The following WWOX variants were observed in gnomAD, a reference collection of about 807,000 sequenced individuals.
The protein encoded by WWOX is WW domain-containing oxidoreductase.
WWOX carries 69 observed loss-of-function variants against 46.2 expected under a neutral mutation model. That is an observed-to-expected ratio of 1.49 (90% confidence interval 1.23 to 1.82). The LOEUF is 1.82. WWOX is among the 40% of genes most tolerant of loss of function. The pLI is 0.00. For missense variants in WWOX, 919 were observed against 542.6 expected (o/e 1.69, Z -6.89); for synonymous variants, 359 against 202.6 (o/e 1.77, Z -6.56).
At chr16:78,440,750 C>G (rs1302691187) in intron 8 of WWOX, among the ~76,000 whole-genome samples, 3 of 151,952 alleles carry the variant, frequency 2.0e-5, no homozygotes, top group Non-Finnish European at 2.9e-5. Flanking sequence ...TCCCAAGTAG[C>G]TGGGATTACA....
intron 6 of WWOX, among the ~76,000 whole-genome samples, chr16:78,391,454 C>T (rs1480672800): frequency 1.3e-5 from 2 of 152,152 alleles, no homozygotes; most frequent in Non-Finnish European, 2.9e-5. Flanking sequence ...GAATTTGAAC[C>T]CAAATCTCTC....
At chr16:78,831,566 C>G (rs906277176) in intron 8 of WWOX, among the ~76,000 whole-genome samples, 18 of 152,136 alleles carry the variant, frequency 1.2e-4, no homozygotes, top group African/African-American at 3.9e-4. Context: ...GACCTGCACA[C>G]CAGGAGGCAG....
At position 78,176,519 on chromosome 16, in the gene WWOX, C is replaced by T. The variant is rs142166559; in HGVS notation, c.516+12230C>T. On this transcript the variant is annotated intron_variant, in intron 5 of 8. Coordinates refer to ENST00000566780, the MANE Select transcript of WWOX (RefSeq NM_016373.4). The stretch of plus-strand genomic sequence containing the variant: ...TCTAATTGTTCCGACTACAATGCGT[C>T]CTGTAAACCGGGTAGCTGGGAGAAA... Among the ~76,000 whole-genome samples, 59 of 152,300 alleles carry T rather than the reference C, an allele frequency of 3.9e-4. 1 individual carries two copies. In the East Asian group the frequency reaches 9.1e-3, roughly 23 times the overall value.
chr16:78,353,804 T>C (rs1033087323), intron 5 of WWOX, among the ~76,000 whole-genome samples: 3 of 152,238 alleles, frequency 2.0e-5, no homozygotes, highest in Admixed American at 6.5e-5. Context: ...GGTCAGCAGT[T>C]AGCGTCAAGT....
At chr16:78,847,974 C>G (rs1270872698) in intron 8 of WWOX, among the ~76,000 whole-genome samples, 2 of 152,084 alleles carry the variant, frequency 1.3e-5, no homozygotes. Context: ...AGCATGGTGG[C>G]CACATAAAGG....
intron 8 of WWOX, among the ~76,000 whole-genome samples, chr16:79,164,022 T>C (rs2050542050): frequency 6.6e-6 from 1 of 152,132 alleles, no homozygotes. Flanking sequence ...AAGCTAAACA[T>C]AGACTTTAGG....
At chr16:78,586,163 C>G (rs934089114) in intron 8 of WWOX, among the ~76,000 whole-genome samples, 3 of 152,004 alleles carry the variant, frequency 2.0e-5, no homozygotes, top group Admixed American at 1.3e-4. Context: ...TCAAGACTAG[C>G]CTGGGCAACA....
At chr16:78,407,583 C>G (rs976248258) in intron 6 of WWOX, among the ~76,000 whole-genome samples, 1 of 152,172 alleles carries the variant, frequency 6.6e-6, no homozygotes. Context: ...GCACCTTTCT[C>G]ATCTCAGGTT....
Position 79,093,061 on chromosome 16 carries a change from GCTGT to G in WWOX, c.1057-118546_1057-118543del, listed in dbSNP as rs1183914070. Among the ~76,000 whole-genome samples the G allele has an allele frequency of 3.9e-5, 6 of 152,292 alleles. No individual in the cohort carries two copies. The South Asian group carries it at 1.0e-3, about 26-fold the overall frequency. The stretch of plus-strand genomic sequence containing the variant: ...CTACTTTTTACCTAGCAGTTCAACA[GCTGT>G]AAAGAAAGATGCTGAGCTGTTGGTT... On this transcript the variant is annotated intron_variant, in intron 8 of 8. Transcript: ENST00000566780.
intron 5 of WWOX, among the ~76,000 whole-genome samples, chr16:78,343,805 T>C (rs1391717276): frequency 1.7e-5 from 2 of 120,590 alleles, no homozygotes; most frequent in African/African-American, 5.6e-5. Flanking sequence ...CTCAGTTCTT[T>C]GTCATTCAGC....
chr16:78,298,238 T>C lies in WWOX; in HGVS notation c.517-88622T>C, dbSNP rs202189421. On this transcript the variant is annotated intron_variant, in intron 5 of 8. Transcript: ENST00000566780. ...TCTTAGCAGCATGAGAAGGGACTAA[T>C]ACAGGGGTGATCACAAACAGCCTGC... is the stretch of plus-strand genomic sequence containing the variant. Among the ~76,000 whole-genome samples, 42 of 152,248 alleles carry C rather than the reference T, an allele frequency of 2.8e-4. 1 individual carries two copies. In the East Asian group the frequency reaches 8.1e-3, roughly 29 times the overall value.
intron 8 of WWOX, among the ~76,000 whole-genome samples, chr16:78,491,073 C>T (rs767931945): frequency 6.6e-6 from 1 of 152,190 alleles, no homozygotes; most frequent in Non-Finnish European, 1.5e-5. Flanking sequence ...CAGGCTGAGT[C>T]ATCTGTGCCA....
At chr16:78,535,805 A>T (rs2043745717) in intron 8 of WWOX, among the ~76,000 whole-genome samples, 1 of 152,196 alleles carries the variant, frequency 6.6e-6, no homozygotes, top group Non-Finnish European at 1.5e-5. Context: ...AGAACCAGAC[A>T]CAAGTTGGAG....
At chr16:78,542,977 T>C (rs1245528871) in intron 8 of WWOX, among the ~76,000 whole-genome samples, 1 of 152,138 alleles carries the variant, frequency 6.6e-6, no homozygotes, top group Non-Finnish European at 1.5e-5. Flanking sequence ...TAGCAAACAA[T>C]TTTTCCTTTC....
chr16:78,889,070 C>G (rs57648136), intron 8 of WWOX, among the ~76,000 whole-genome samples: 53,495 of 151,938 alleles, frequency 0.35, 10,750 homozygotes, highest in Non-Finnish European at 0.44. Context: ...GAAGATGTCT[C>G]TCTTTGAATT....
chr16:78,762,129 A>C (rs1451103864), intron 8 of WWOX, among the ~76,000 whole-genome samples: 2 of 152,160 alleles, frequency 1.3e-5, no homozygotes, highest in Non-Finnish European at 2.9e-5. Flanking sequence ...ATGGCTAATC[A>C]TTTCCATTTT....
intron 8 of WWOX, among the ~76,000 whole-genome samples, chr16:79,117,677 C>G (rs902225794): frequency 2.0e-5 from 3 of 152,224 alleles, no homozygotes; most frequent in African/African-American, 4.8e-5. Flanking sequence ...CCTTAGTGGT[C>G]TTATCTAGAT....
intron 8 of WWOX, among the ~76,000 whole-genome samples, chr16:79,068,585 C>T (rs958652542): frequency 2.6e-5 from 4 of 151,938 alleles, no homozygotes; most frequent in Non-Finnish European, 5.9e-5. Context: ...AGGAGGATCA[C>T]TTGAGCCTAG....
At chr16:78,305,821 G>A (rs1375629737) in intron 5 of WWOX, among the ~76,000 whole-genome samples, 8 of 152,014 alleles carry the variant, frequency 5.3e-5, no homozygotes, top group South Asian at 2.1e-4. Flanking sequence ...TAACCTTGTG[G>A]CACAACATTG....
Sources: allele counts gnomAD v4.1 joint callset (sites outside exome capture counted in the v4.1 genomes callset), GRCh38; gene constraint gnomAD v4.1.1; transcripts MANE v1.5; gene names NCBI Gene and HGNC (gene_info 2026-07-23, HGNC 2026-07-21).